ATAD2B: variants seen among roughly 807,000 people sequenced by gnomAD.
The protein encoded by ATAD2B is ATPase family AAA domain containing 2B.
ATAD2B carries 40 observed loss-of-function variants against 167.6 expected under a neutral mutation model. The observed-to-expected ratio is 0.24, with a 90% CI of 0.19 to 0.31. The LOEUF is 0.31. Among genes scored for constraint, ATAD2B ranks in the 10% least tolerant of loss-of-function variants. The pLI is 1.00. For synonymous variants in ATAD2B, 579 were observed against 596.5 expected (o/e 0.97, Z 0.43); for missense variants, 1,242 against 1,757.2 (o/e 0.71, Z 5.24).
chr2:23,907,509 G>A (rs1701669958), intron 1 of ATAD2B, among the ~76,000 whole-genome samples: 1 of 152,140 alleles, frequency 6.6e-6, no homozygotes, highest in African/African-American at 2.4e-5. Context: ...CTCATGGGTA[G>A]GAAGAATCAA....
chr2:23,707,381 T>G, the ATAD2B span: 7 of 152,210 alleles, frequency 4.6e-5, no homozygotes, highest in Non-Finnish European at 8.8e-5. Flanking sequence ...GGCATTTTCT[T>G]GATAAACAAA....
At chr2:23,695,722 G>C in the ATAD2B span, 1 of 1,551,646 alleles carries the variant, frequency 6.4e-7, no homozygotes, top group Non-Finnish European at 8.7e-7. This position sits in a 1 kb window ranked among gnomAD's most constrained non-coding sequence, Gnocchi z 7.6. Context: ...GTCATCAGAA[G>C]CCTGCCGGGA....
chr2:23,884,369 G>A (rs1397081459), intron 6 of ATAD2B, among the ~76,000 whole-genome samples: 1 of 151,898 alleles, frequency 6.6e-6, no homozygotes, highest in African/African-American at 2.4e-5. Flanking sequence ...TTATTCCTCA[G>A]ACCATACCTA....
chr2:23,705,447 A>G, the ATAD2B span, among the ~76,000 whole-genome samples: 81,677 of 151,518 alleles, frequency 0.54, 22,697 homozygotes, highest in East Asian at 0.79. Flanking sequence ...AGCTGAGATC[A>G]CACCACTGCA....
chr2:23,740,644 G>A, the ATAD2B span, among the ~76,000 whole-genome samples: 1 of 152,148 alleles, frequency 6.6e-6, no homozygotes, highest in Non-Finnish European at 1.5e-5. Context: ...ACTGGCACAA[G>A]ACAGGGATGC....
intron 19 of ATAD2B, among the ~76,000 whole-genome samples, chr2:23,797,894 T>A (rs1055224809): frequency 1.3e-5 from 2 of 152,136 alleles, no homozygotes; most frequent in Admixed American, 6.5e-5. Flanking sequence ...ATATATATAA[T>A]TCAGGTTTTG....
chr2:23,695,530 T>G, the ATAD2B span: 2 of 855,882 alleles, frequency 2.3e-6, no homozygotes, highest in Non-Finnish European at 3.6e-6. This position sits in a 1 kb window ranked among gnomAD's most constrained non-coding sequence, Gnocchi z 7.6. Context: ...CCTGGAATTA[T>G]CCATTCTTGT....
rs371835504 is a variant in ATAD2B, at chr2:23,774,666, G to A, written c.3133+8203C>T. On this transcript the variant is annotated intron_variant, in intron 22 of 27. Transcript: ENST00000238789. ...TGTAATCCCAACAGTTTGGGAGGCT[G>A]AGGCGGGTGGATCACCTGAGGACAG... Among the ~76,000 whole-genome samples the A allele has an allele frequency of 3.5e-4, 54 of 152,298 alleles. No homozygotes were observed. In the East Asian group the frequency reaches 5.6e-3, roughly 16 times the overall value.
rs1675125085 is a variant in ATAD2B, at chr2:23,749,452, T to C, written c.*2594A>G. The C allele has an allele frequency of 6.6e-6, 1 of 152,168 alleles. No homozygotes were observed. The highest frequency in any genetic ancestry group is 1.5e-5 in the Non-Finnish European group (1 of 68,018). The allele number at this position is 152,168 out of a possible 1,614,324, so 9.4% of individuals were successfully genotyped here. A position where few individuals can be genotyped will look rare whatever the true frequency, so the allele number is the denominator to read the frequency against. The stretch of plus-strand genomic sequence containing the variant: ...TGCTATACAGCAAAAATGAAAAACT[T>C]ACAGAAAGGTAAACAAAATTGAGTC... On this transcript the variant is annotated 3_prime_UTR_variant, in exon 28 of 28. Transcript: ENST00000238789.
chr2:23,921,221 A>C (rs1471197920), intron 1 of ATAD2B, among the ~76,000 whole-genome samples: 1 of 150,618 alleles, frequency 6.6e-6, no homozygotes, highest in Non-Finnish European at 1.5e-5. Flanking sequence ...AAAAAAAAAA[A>C]AAAAAAAAAC....
At chr2:23,785,776 T>C (rs1028600699) in intron 21 of ATAD2B, 1 of 354,512 alleles carries the variant, frequency 2.8e-6, no homozygotes. Flanking sequence ...TTAATCCTCT[T>C]AAATCGAAGA....
chr2:23,901,417 C>A (rs1700825167), intron 1 of ATAD2B, among the ~76,000 whole-genome samples: 1 of 151,676 alleles, frequency 6.6e-6, no homozygotes, highest in Non-Finnish European at 1.5e-5. Flanking sequence ...TAAGCTTATC[C>A]CTGCTACTAG....
Position 23,757,961 on chromosome 2 carries a change from A to C in ATAD2B, c.3535T>G (p.Leu1179Val). 4 of 1,613,606 alleles carry C rather than the reference A, an allele frequency of 2.5e-6. No individual in the cohort carries two copies. Among genetic ancestry groups the C allele is most frequent in the Middle Eastern group, 1.7e-4 (1 of 6,058 alleles). ...CTTACCTCAAACTCTCCATTCTCTAATAATTTCCTGTCCTCCGTATGGTTC... is the reference window on the plus strand; with the variant it reads ...CTTACCTCAAACTCTCCATTCTCTACTAATTTCCTGTCCTCCGTATGGTTC... ...YENHTEDRKL[L>V]ENGEFEVSTD... The change falls in exon 25 of 28, where the codon TTA (leucine) becomes GTA (valine). Residue 1179 changes from leucine to valine, a missense_variant. This residue lies in a region of ATAD2B where 282 missense variants were observed against 346.8 expected (regional missense o/e 0.81). Transcript: ENST00000238789.
At chr2:23,828,072 GTTT>G (rs564313058) in intron 15 of ATAD2B, among the ~76,000 whole-genome samples, 1 of 144,558 alleles carries the variant, frequency 6.9e-6, no homozygotes. Context: ...TGAAGATTGG[GTTT>G]TTTTTTTTTT....
chr2:23,857,470 C>CA lies in ATAD2B; in HGVS notation c.1512dup (p.Asp505Ter), dbSNP rs774994532. The CA allele has an allele frequency of 2.6e-6, 4 of 1,511,978 alleles. No homozygotes were observed. The highest frequency in any genetic ancestry group is 2.6e-6 in the Non-Finnish European group (3 of 1,134,620). The allele number at this position is 1,511,978 out of a possible 1,614,324, so 93.7% of individuals were successfully genotyped here. A position where few individuals can be genotyped will look rare whatever the true frequency, so the allele number is the denominator to read the frequency against. On this transcript the variant is annotated frameshift_variant, in exon 13 of 28. Coordinates refer to ENST00000238789, the MANE Select transcript of ATAD2B (RefSeq NM_017552.4). LOFTEE classifies it high-confidence loss of function. The stretch of plus-strand genomic sequence containing the variant: ...ACTGGAGCTAATCCATCTATTTCAT[C>CA]AAAAAATATTATAGAAGGTCTCATC...
At chr2:23,805,805 A>AAAAAAAAAAAAC (rs1291712940) in intron 18 of ATAD2B, among the ~76,000 whole-genome samples, 2 of 132,150 alleles carry the variant, frequency 1.5e-5, no homozygotes, top group African/African-American at 2.6e-5. Flanking sequence ...TAAAAAAAAA[A>AAAAAAAAAAAAC]AAACAAATCT....
intron 18 of ATAD2B, among the ~76,000 whole-genome samples, chr2:23,805,143 C>CA (rs574560679): frequency 0.12 from 13,633 of 113,824 alleles, 754 homozygotes; most frequent in Middle Eastern, 0.21. Flanking sequence ...AACCCTGTCT[C>CA]AAAAAAAAAA....
At chr2:23,688,231 C>T in the ATAD2B span, among the ~76,000 whole-genome samples, 2 of 152,242 alleles carry the variant, frequency 1.3e-5, no homozygotes, top group South Asian at 2.1e-4. Context: ...AGACTGGGTG[C>T]ATGCCCATGC....
chr2:23,768,597 T>C (rs1317478201), intron 22 of ATAD2B, among the ~76,000 whole-genome samples: 1 of 151,798 alleles, frequency 6.6e-6, no homozygotes, highest in East Asian at 1.9e-4. Context: ...ACAATGAGCA[T>C]ATCTATCATC....
Sources: gnomAD v4.1 joint callset for allele counts (sites outside exome capture counted in the v4.1 genomes callset) on GRCh38, gnomAD v4.1.1 for gene constraint, gnomAD v4.1.1 regional missense constraint, Gnocchi (gnomAD v3.1) non-coding constraint, MANE v1.5 for transcripts, NCBI Gene and HGNC (gene_info 2026-07-23, HGNC 2026-07-21) for gene names.